Variants in DAB1 observed in about 807,000 individuals in gnomAD.
DAB1 encodes DAB adaptor protein 1.
A neutral mutation model predicts 64.6 loss-of-function variants in DAB1; 15 were observed. The observed-to-expected ratio is 0.23, with a 90% CI of 0.16 to 0.36. The LOEUF (loss-of-function observed/expected upper bound fraction) is 0.36. Among genes scored for constraint, DAB1 ranks in the 10% least tolerant of loss-of-function variants. DAB1 has a pLI of 1.00. For missense variants in DAB1, 596 were observed against 706.7 expected (o/e 0.84, Z 1.78); for synonymous variants, 235 against 251.9 (o/e 0.93, Z 0.64).
intron 1 of DAB1, among the ~76,000 whole-genome samples, chr1:57,335,199 A>T (rs1011312292): frequency 1.1e-4 from 16 of 149,746 alleles, no homozygotes; most frequent in Non-Finnish European, 1.6e-4. Context: ...AGATCTGGAC[A>T]TTTTTTTTTT....
At chr1:57,382,837 A>G (rs1405559094) in intron 1 of DAB1, among the ~76,000 whole-genome samples, 2 of 152,110 alleles carry the variant, frequency 1.3e-5, no homozygotes, top group Non-Finnish European at 2.9e-5. Flanking sequence ...TAAGAATAAC[A>G]TCTTCATAGG....
At chr1:58,390,534 G>T (rs1297556615) in intron 3 of DAB1, among the ~76,000 whole-genome samples, 1 of 152,154 alleles carries the variant, frequency 6.6e-6, no homozygotes, top group East Asian at 1.9e-4. Context: ...GAGTCAGGGG[G>T]ACGTGGGATC....
At chr1:58,223,632 C>T (rs1214427167) in intron 4 of DAB1, among the ~76,000 whole-genome samples, 1 of 152,152 alleles carries the variant, frequency 6.6e-6, no homozygotes, top group Admixed American at 6.5e-5. Flanking sequence ...CCCAACGAAT[C>T]TGAAGAAATT....
chr1:57,756,935 A>C (rs1316300919), intron 6 of DAB1, among the ~76,000 whole-genome samples: 1 of 152,168 alleles, frequency 6.6e-6, no homozygotes, highest in Non-Finnish European at 1.5e-5. Context: ...GATTGGAAAG[A>C]GAATATACTA....
intron 1 of DAB1, among the ~76,000 whole-genome samples, chr1:57,852,572 C>T (rs1653576336): frequency 6.6e-6 from 1 of 151,930 alleles, no homozygotes; most frequent in Admixed American, 6.6e-5. Flanking sequence ...CTACCCTCCT[C>T]ATCACCCCAC....
chr1:57,913,450 G>A (rs1404209272), intron 5 of DAB1, among the ~76,000 whole-genome samples: 1 of 152,118 alleles, frequency 6.6e-6, no homozygotes, highest in East Asian at 1.9e-4. Flanking sequence ...AATTCAAGAT[G>A]GATTAAAGAC....
intron 5 of DAB1, among the ~76,000 whole-genome samples, chr1:57,925,517 AC>A (rs919627518): frequency 2.0e-5 from 3 of 152,080 alleles, no homozygotes; most frequent in African/African-American, 7.2e-5. Flanking sequence ...CAGAAACTAG[AC>A]TCTAGATACT....
At chr1:57,805,814 C>T (rs776183200) in intron 6 of DAB1, among the ~76,000 whole-genome samples, 3 of 152,030 alleles carry the variant, frequency 2.0e-5, no homozygotes, top group Non-Finnish European at 4.4e-5. Context: ...ATGCTTAGTC[C>T]CTCATCTGAT....
intron 7 of DAB1, among the ~76,000 whole-genome samples, chr1:57,583,476 G>A (rs1352413373): frequency 6.6e-6 from 1 of 151,922 alleles, no homozygotes; most frequent in Non-Finnish European, 1.5e-5. Context: ...TAGTACAGAT[G>A]GGGTTTCACC....
chr1:58,114,273 A>G (rs1652182673), intron 5 of DAB1, among the ~76,000 whole-genome samples: 1 of 152,126 alleles, frequency 6.6e-6, no homozygotes, highest in African/African-American at 2.4e-5. Context: ...AAAAAGAAAA[A>G]AAGTTAATTT....
chr1:57,063,562 TACTC>T (rs1440672103), intron 8 of DAB1, among the ~76,000 whole-genome samples: 4 of 152,158 alleles, frequency 2.6e-5, no homozygotes, highest in African/African-American at 9.7e-5. Flanking sequence ...TCCCTTCCCT[TACTC>T]ATCCATCTGG....
chr1:57,343,613 C>T (rs917571687), intron 1 of DAB1, among the ~76,000 whole-genome samples: 3 of 152,220 alleles, frequency 2.0e-5, no homozygotes, highest in African/African-American at 4.8e-5. Flanking sequence ...GCAGCTAAGG[C>T]CCGGCGAGAA....
intron 6 of DAB1, among the ~76,000 whole-genome samples, chr1:57,785,234 C>A (rs1257871634): frequency 6.6e-6 from 1 of 152,138 alleles, no homozygotes. Flanking sequence ...CATTGACACA[C>A]ATAGTCATCC....
chr1:57,664,241 G>T (rs1344525373), intron 6 of DAB1, among the ~76,000 whole-genome samples: 1 of 152,164 alleles, frequency 6.6e-6, no homozygotes, highest in East Asian at 1.9e-4. Flanking sequence ...ACCACTTTGT[G>T]AGACCAAAGA....
intron 7 of DAB1, among the ~76,000 whole-genome samples, chr1:57,645,751 T>C (rs1369656241): frequency 6.6e-6 from 1 of 152,204 alleles, no homozygotes; most frequent in Non-Finnish European, 1.5e-5. Context: ...CAGACAGCTG[T>C]TATATCTTGG....
intron 5 of DAB1, among the ~76,000 whole-genome samples, chr1:58,118,326 T>C (rs1242890030): frequency 6.7e-6 from 1 of 149,644 alleles, no homozygotes; most frequent in Non-Finnish European, 1.5e-5. Flanking sequence ...GAATAGGCTA[T>C]AGCGCATTCA....
At chr1:58,009,747 A>G (rs888318586) in intron 5 of DAB1, among the ~76,000 whole-genome samples, 1 of 152,184 alleles carries the variant, frequency 6.6e-6, no homozygotes, top group Admixed American at 6.6e-5. Flanking sequence ...TATTTCCAGG[A>G]AACTCAAGGT....
chr1:57,512,985 C>T (rs929582046), intron 7 of DAB1, among the ~76,000 whole-genome samples: 3 of 152,142 alleles, frequency 2.0e-5, no homozygotes, highest in Non-Finnish European at 4.4e-5. Context: ...CACTTCTGTG[C>T]CAGGCTTATT....
intron 1 of DAB1, among the ~76,000 whole-genome samples, chr1:57,320,665 A>G (rs1675633484): frequency 6.6e-6 from 1 of 152,182 alleles, no homozygotes; most frequent in Non-Finnish European, 1.5e-5. Flanking sequence ...AAGGACCCCA[A>G]GGCACAAGTT....
Sources: gnomAD v4.1 joint callset for allele counts (sites outside exome capture counted in the v4.1 genomes callset) on GRCh38, gnomAD v4.1.1 for gene constraint, MANE v1.5 for transcripts, NCBI Gene and HGNC (gene_info 2026-07-23, HGNC 2026-07-21) for gene names.